The following IQGAP1 variants were observed in gnomAD, a reference collection of about 807,000 sequenced individuals.
The protein encoded by IQGAP1 is ras GTPase-activating-like protein IQGAP1.
In IQGAP1, 66 loss-of-function variants were observed where a neutral mutation model predicts 215.6. That is an observed-to-expected ratio of 0.31 (90% CI 0.25 to 0.38). The LOEUF (loss-of-function observed/expected upper bound fraction) is 0.38, where lower values mean the gene tolerates loss of function less well. Ranked by LOEUF, IQGAP1 falls within the 10% of genes least tolerant of loss-of-function variation. IQGAP1 has a pLI of 1.00. For synonymous variants in IQGAP1, 772 were observed against 728.7 expected, an observed-to-expected ratio of 1.06 and a Z score of -0.96; for missense variants, 1,712 against 1,997.1, an observed-to-expected ratio of 0.86 and a Z score of 2.72.
At chr15:90,488,230 T>TAATAAATAAATAAATAAATA (rs76285758) in intron 33 of IQGAP1, among the ~76,000 whole-genome samples, 26 of 147,688 alleles carry the variant, frequency 1.8e-4, no homozygotes, top group African/African-American at 5.5e-4. Context: ...CAAAAAATAA[T>TAATAAATAAATAAATAAATA]AATAAATAAA....
At chr15:90,467,680 A>G in intron 18 of IQGAP1, 88 bp downstream of exon 18, 1 of 1,348,916 alleles carries the variant, frequency 7.4e-7, no homozygotes, top group African/African-American at 1.5e-5. Context: ...GCATGTGGTC[A>G]GAAGCCCTAG....
chr15:90,424,085 T>C (rs1343888131), intron 2 of IQGAP1, among the ~76,000 whole-genome samples: 1 of 152,108 alleles, frequency 6.6e-6, no homozygotes, highest in Admixed American at 6.5e-5. Context: ...AGGCTGAGGT[T>C]GTTAGGTTTT....
rs540533020 is a variant in IQGAP1 at position 90,443,307 on chromosome 15, T to C, written c.829-87T>C. The C allele has an allele frequency of 1.3e-5, 10 of 767,102 alleles. No individual in the cohort carries two copies. In the East Asian group the frequency reaches 2.2e-4, roughly 17 times the overall value. 47.5% of individuals were successfully genotyped at this position (767,102 alleles called of 1,614,324 possible). A position where few individuals can be genotyped will look rare whatever the true frequency, so the allele number is the denominator to read the frequency against. On this transcript the variant is annotated intron_variant, in intron 8 of 37. Coordinates refer to ENST00000268182, the MANE Select transcript of IQGAP1 (RefSeq NM_003870.4). ...AGCTACACCCATATTCTTGGTAGTGTTATGGTGCAGGAGGAGCACACGTGT... is the reference window on the plus strand; with the variant it reads ...AGCTACACCCATATTCTTGGTAGTGCTATGGTGCAGGAGGAGCACACGTGT...
chr15:90,471,763 G>A (rs1259683327), intron 18 of IQGAP1, among the ~76,000 whole-genome samples: 1 of 151,774 alleles, frequency 6.6e-6, no homozygotes, highest in Non-Finnish European at 1.5e-5. Context: ...GCCTCCCAAA[G>A]TGCTGGGATT....
At chr15:90,452,408 G>A (rs891813803) in intron 11 of IQGAP1, among the ~76,000 whole-genome samples, 2 of 152,152 alleles carry the variant, frequency 1.3e-5, no homozygotes, top group African/African-American at 4.8e-5. Context: ...AAGATCAAGG[G>A]GTGGAAAGAT....
chr15:90,480,416 A>C (rs1966041659), intron 26 of IQGAP1, among the ~76,000 whole-genome samples: 1 of 152,150 alleles, frequency 6.6e-6, no homozygotes, highest in African/African-American at 2.4e-5. Context: ...CTTTCCTAAA[A>C]TCTCAAAGTT....
chr15:90,392,970 C>G (rs987325559), intron 2 of IQGAP1, among the ~76,000 whole-genome samples: 1 of 151,958 alleles, frequency 6.6e-6, no homozygotes, highest in African/African-American at 2.4e-5. Flanking sequence ...GTCTCAAACT[C>G]CTGACCTCAG....
chr15:90,449,542 T>C lies in IQGAP1; in HGVS notation c.1078-17T>C. 6.2e-7 allele frequency: 1 copy of C among 1,602,910 alleles called. No individual in the cohort carries two copies. The highest frequency in any genetic ancestry group is 8.5e-7 in the Non-Finnish European group (1 of 1,173,692). ...AGGAATGAGTAATCTTTACATAATT[T>C]TCTTTGCTTTGCTCAGAGTGGTCAG... On this transcript the variant is annotated splice_polypyrimidine_tract_variant and intron_variant, in intron 10 of 37. Transcript: ENST00000268182.
chr15:90,418,194 G>A (rs924599021), intron 2 of IQGAP1, among the ~76,000 whole-genome samples: 7 of 152,044 alleles, frequency 4.6e-5, no homozygotes, highest in African/African-American at 7.2e-5. Context: ...GAATGAATAC[G>A]TGGGTGTCAG....
At chr15:90,450,707 G>T (rs1965591227) in intron 11 of IQGAP1, among the ~76,000 whole-genome samples, 1 of 151,420 alleles carries the variant, frequency 6.6e-6, no homozygotes, top group Non-Finnish European at 1.5e-5. Flanking sequence ...TAATGATGTT[G>T]AGCATTTTTT....
intron 7 of IQGAP1, among the ~76,000 whole-genome samples, chr15:90,441,101 C>T (rs577730167): frequency 3.8e-4 from 52 of 138,412 alleles, no homozygotes; most frequent in Non-Finnish European, 5.6e-4. Context: ...GAGTGAAACT[C>T]TGTCTCAAAA....
At chr15:90,402,668 C>T (rs1448263060) in intron 2 of IQGAP1, among the ~76,000 whole-genome samples, 1 of 151,858 alleles carries the variant, frequency 6.6e-6, no homozygotes, top group Non-Finnish European at 1.5e-5. Context: ...TGATGAGCAA[C>T]ATAAGAAACT....
At chr15:90,492,111 A>T (rs1164399164) in intron 34 of IQGAP1, among the ~76,000 whole-genome samples, 4 of 152,170 alleles carry the variant, frequency 2.6e-5, no homozygotes, top group African/African-American at 9.7e-5. Flanking sequence ...CAAATGGGGG[A>T]AGAAAATTTG....
intron 37 of IQGAP1, among the ~76,000 whole-genome samples, chr15:90,499,477 G>A (rs1218905514): frequency 1.3e-5 from 2 of 152,188 alleles, no homozygotes; most frequent in Non-Finnish European, 2.9e-5. Context: ...GGGATAGAAA[G>A]TGTTCTCATA....
At chr15:90,459,380 A>G (rs1251485932) in intron 15 of IQGAP1, among the ~76,000 whole-genome samples, 1 of 152,250 alleles carries the variant, frequency 6.6e-6, no homozygotes, top group Non-Finnish European at 1.5e-5. Flanking sequence ...TTACTTTAAC[A>G]ACTTTATCTT....
At chr15:90,496,814 T>C (rs1398436437) in intron 36 of IQGAP1, 4 of 154,594 alleles carry the variant, frequency 2.6e-5, no homozygotes, top group Non-Finnish European at 5.7e-5. Flanking sequence ...TTTTGTTTAT[T>C]TACTTCTCCC....
intron 2 of IQGAP1, among the ~76,000 whole-genome samples, chr15:90,401,926 A>G (rs1239542247): frequency 1.3e-5 from 2 of 152,236 alleles, no homozygotes; most frequent in Non-Finnish European, 2.9e-5. Context: ...AGGGAAAAAA[A>G]TAGAGTTGAT....
intron 2 of IQGAP1, among the ~76,000 whole-genome samples, chr15:90,392,310 CTA>C (rs1420142659): frequency 7.2e-5 from 11 of 152,132 alleles, no homozygotes; most frequent in Non-Finnish European, 1.3e-4. Context: ...GCAAGGCATG[CTA>C]TATCACTAGA....
intron 1 of IQGAP1, among the ~76,000 whole-genome samples, chr15:90,388,954 A>G (rs1025626079): frequency 2.2e-4 from 34 of 152,186 alleles, no homozygotes; most frequent in African/African-American, 8.2e-4. Flanking sequence ...AAGAAAAAAA[A>G]AAGAAGCAGA....
Sources: gnomAD v4.1 joint callset for allele counts (sites outside exome capture counted in the v4.1 genomes callset) on GRCh38, gnomAD v4.1.1 for gene constraint, MANE v1.5 for transcripts, NCBI Gene and HGNC (gene_info 2026-07-23, HGNC 2026-07-21) for gene names.